Variants in CWF19L2 observed in about 807,000 individuals in gnomAD.
CWF19L2 encodes CWF19-like protein 2.
CWF19L2 carries 98 observed loss-of-function variants against 111.7 expected under a neutral mutation model. The ratio of observed to expected loss-of-function variants is 0.88; its 90% CI spans 0.75 to 1.04. The LOEUF (loss-of-function observed/expected upper bound fraction) is 1.04, where lower values mean the gene tolerates loss of function less well. Among genes scored for constraint, CWF19L2 ranks in the 50% least tolerant of loss-of-function variants. CWF19L2 has a pLI of 0.00. For synonymous variants in CWF19L2, 351 were observed against 342.9 expected, an observed-to-expected ratio of 1.02 and a Z score of -0.26; for missense variants, 1,101 against 1,051.4, an observed-to-expected ratio of 1.05 and a Z score of -0.65.
At chr11:107,374,898 T>C (rs1860575013) in intron 12 of CWF19L2, among the ~76,000 whole-genome samples, 1 of 150,896 alleles carries the variant, frequency 6.6e-6, no homozygotes, top group Non-Finnish European at 1.5e-5. Context: ...GAGACACACA[T>C]AGGCTCAAAA....
rs112300249 is a variant in CWF19L2, at chr11:107,395,389, G to A, written c.1618-2494C>T. 2.6e-4 allele frequency among the ~76,000 whole-genome samples: 39 copies of A among 152,250 alleles called. 1 individual carries two copies. The highest frequency in any genetic ancestry group is 9.4e-4 in the African/African-American group (39 of 41,536). On this transcript the variant is annotated intron_variant, in intron 10 of 17. Coordinates refer to ENST00000282251, the MANE Select transcript of CWF19L2 (RefSeq NM_152434.3). Reference sequence around the variant, plus strand: ...CCCAGTTTCGGGTATGTCTTTATCAGCAGCATGAAAACAGACAAATACAAG... The same window carrying A: ...CCCAGTTTCGGGTATGTCTTTATCAACAGCATGAAAACAGACAAATACAAG...
At chr11:107,351,214 T>C (rs1296612475) in intron 13 of CWF19L2, among the ~76,000 whole-genome samples, 2 of 152,126 alleles carry the variant, frequency 1.3e-5, no homozygotes, top group Non-Finnish European at 2.9e-5. Flanking sequence ...ATAAAGATTA[T>C]GAAATGTGGT....
chr11:107,363,475 A>T (rs6588967), intron 12 of CWF19L2, among the ~76,000 whole-genome samples: 1 of 151,152 alleles, frequency 6.6e-6, no homozygotes, highest in South Asian at 2.1e-4. Context: ...GCGGATCTCT[A>T]GGCAGAAACT....
intron 10 of CWF19L2, among the ~76,000 whole-genome samples, chr11:107,412,771 G>A (rs1861175903): frequency 6.6e-6 from 1 of 152,212 alleles, no homozygotes; most frequent in Non-Finnish European, 1.5e-5. Context: ...TAAGTAAAAT[G>A]TGGCACCTAC....
intron 4 of CWF19L2, among the ~76,000 whole-genome samples, chr11:107,442,603 G>A (rs755851625): frequency 8.5e-4 from 128 of 151,388 alleles, no homozygotes; most frequent in Admixed American, 3.2e-3. Context: ...AGGATTACTC[G>A]AGCTTGGGAG....
intron 8 of CWF19L2, among the ~76,000 whole-genome samples, chr11:107,419,342 C>T (rs1565276328): frequency 6.6e-6 from 1 of 152,040 alleles, no homozygotes; most frequent in African/African-American, 2.4e-5. Context: ...TTAATCAGAA[C>T]AATATAAATA....
intron 14 of CWF19L2, among the ~76,000 whole-genome samples, chr11:107,340,184 T>C (rs1230512524): frequency 6.6e-6 from 1 of 152,242 alleles, no homozygotes; most frequent in African/African-American, 2.4e-5. Flanking sequence ...CCATGGATTA[T>C]ACTTTTGGTG....
At chr11:107,437,637 G>T (rs1861561553) in intron 6 of CWF19L2, among the ~76,000 whole-genome samples, 1 of 152,124 alleles carries the variant, frequency 6.6e-6, no homozygotes, top group Non-Finnish European at 1.5e-5. Flanking sequence ...GACATGAAGG[G>T]GAAGGGAGAA....
intron 8 of CWF19L2, among the ~76,000 whole-genome samples, chr11:107,420,005 TAC>T (rs1206143991): frequency 6.6e-6 from 1 of 151,784 alleles, no homozygotes; most frequent in East Asian, 1.9e-4. Context: ...AAAGGTATAG[TAC>T]ACCATCAAAG....
chr11:107,367,532 A>G (rs1368906763), intron 12 of CWF19L2, among the ~76,000 whole-genome samples: 2 of 131,582 alleles, frequency 1.5e-5, no homozygotes, highest in African/African-American at 3.1e-5. Flanking sequence ...TTGTAGGGAC[A>G]TGGATGAAAT....
At chr11:107,398,403 C>A (rs1488297916) in intron 10 of CWF19L2, among the ~76,000 whole-genome samples, 2 of 152,058 alleles carry the variant, frequency 1.3e-5, no homozygotes, top group African/African-American at 4.8e-5. Context: ...AAAGTCTCAA[C>A]AACAAAATTG....
At chr11:107,363,090 G>A (rs1243620202) in intron 12 of CWF19L2, among the ~76,000 whole-genome samples, 1 of 152,090 alleles carries the variant, frequency 6.6e-6, no homozygotes, top group Non-Finnish European at 1.5e-5. Flanking sequence ...AAGATGAAAT[G>A]AATGAAATGA....
intron 10 of CWF19L2, among the ~76,000 whole-genome samples, chr11:107,394,864 T>C (rs570198443): frequency 2.0e-5 from 3 of 152,138 alleles, no homozygotes; most frequent in Non-Finnish European, 4.4e-5. Context: ...AAAACAAATA[T>C]AATCATGCTA....
intron 4 of CWF19L2, 51 bp downstream of exon 4, chr11:107,442,887 AG>A: frequency 8.9e-7 from 1 of 1,123,334 alleles, no homozygotes; most frequent in Admixed American, 2.0e-5. Flanking sequence ...GGAGGGAGGA[AG>A]GAAGGAAGGA....
At chr11:107,340,819 GA>G (rs1359227373) in intron 14 of CWF19L2, among the ~76,000 whole-genome samples, 1 of 152,122 alleles carries the variant, frequency 6.6e-6, no homozygotes, top group Non-Finnish European at 1.5e-5. Context: ...CCATAAACAT[GA>G]TATATCTACA....
chr11:107,422,155 T>C (rs1479960212), intron 8 of CWF19L2, among the ~76,000 whole-genome samples: 2 of 152,100 alleles, frequency 1.3e-5, no homozygotes, highest in African/African-American at 4.8e-5. Context: ...CTCTAGAAGA[T>C]GCAAACTACG....
Position 107,353,719 on chromosome 11 carries a change from A to G in CWF19L2, c.1890T>C (p.Asp630=), listed in dbSNP as rs755915173. Reference sequence around the variant, plus strand: ...TGTCATCCAGGGTGTAATAGTCTCCATCTGTTTTTCCCATAAACTGAAAAA... The same window carrying G: ...TGTCATCCAGGGTGTAATAGTCTCCGTCTGTTTTTCCCATAAACTGAAAAA... ...RMASKFMGKT[D]GDYYTLDDMF... Residue 630 remains aspartate, a synonymous_variant, in exon 13 of 18, where the codon GAT becomes GAC. Transcript: ENST00000282251. The G allele has an allele frequency of 6.2e-7, 1 of 1,613,772 alleles. No individual in the cohort carries two copies. Among genetic ancestry groups the G allele is most frequent in the Admixed American group, 1.7e-5 (1 of 60,022 alleles).
rs79910756 is a variant in CWF19L2, at chr11:107,457,755, C to T, written c.62G>A (p.Arg21Gln). ...CCTGGCATTCCGGGTCTGTTCTTTC[C>T]GCTCTTCGATACTCTTCGCACTTTC... ...RFESAKSIEE[R>Q]KEQTRNARAE... The change falls in exon 1 of 18, where the codon CGG (arginine) becomes CAG (glutamine). Residue 21 changes from arginine (R) to glutamine (Q), a missense_variant. Coordinates refer to ENST00000282251, the MANE Select transcript of CWF19L2 (RefSeq NM_152434.3). The T allele has an allele frequency of 1.7e-3, 2,599 of 1,551,706 alleles. 38 individuals carry two copies. In the African/African-American group the frequency reaches 0.032, roughly 19 times the overall value.
chr11:107,330,028 A>G lies in CWF19L2; in HGVS notation c.2440-9T>C, dbSNP rs1311903047. Reference sequence around the variant, plus strand: ...GGTAACCCTCTGGGTACCTAAATAAACAGACAAATCACAAATGGAATACAG... The same window carrying G: ...GGTAACCCTCTGGGTACCTAAATAAGCAGACAAATCACAAATGGAATACAG... On this transcript the variant is annotated splice_polypyrimidine_tract_variant and intron_variant, in intron 16 of 17. Coordinates refer to ENST00000282251, the MANE Select transcript of CWF19L2 (RefSeq NM_152434.3). The G allele has an allele frequency of 6.6e-7, 1 of 1,517,986 alleles. No homozygotes were observed. Among genetic ancestry groups the G allele is most frequent in the Admixed American group, 2.2e-5 (1 of 46,322 alleles). The allele number at this position is 1,517,986 out of a possible 1,614,324, so 94.0% of individuals were successfully genotyped here. A position where few individuals can be genotyped will look rare whatever the true frequency, so the allele number is the denominator to read the frequency against.
Sources: allele counts gnomAD v4.1 joint callset (sites outside exome capture counted in the v4.1 genomes callset), GRCh38; gene constraint gnomAD v4.1.1; transcripts MANE v1.5; gene names NCBI Gene and HGNC (gene_info 2026-07-23, HGNC 2026-07-21).